MYO18A: variants seen among roughly 807,000 people sequenced by gnomAD.
MYO18A encodes the protein unconventional myosin-XVIIIa.
MYO18A carries 78 observed loss-of-function variants against 235.8 expected under a neutral mutation model. The observed-to-expected ratio is 0.33, with a 90% CI of 0.28 to 0.40. The LOEUF is 0.40. Ranked by LOEUF, MYO18A falls within the 10% of genes least tolerant of loss-of-function variation. The probability of loss-of-function intolerance (pLI) is 1.00; values close to 1 mark genes in which losing one functional copy is unlikely to be tolerated. For missense variants in MYO18A, 2,215 were observed against 2,699.3 expected (o/e 0.82, Z 3.98); for synonymous variants, 977 against 1,077.8 (o/e 0.91, Z 1.83).
intron 2 of MYO18A, among the ~76,000 whole-genome samples, chr17:29,138,831 C>T (rs2067667972): frequency 6.6e-6 from 1 of 152,204 alleles, no homozygotes; most frequent in African/African-American, 2.4e-5. Context: ...CACGCCCTGC[C>T]CTCCATTTCC....
At chr17:29,149,413 TATGGG>T (rs1335602585) in intron 2 of MYO18A, among the ~76,000 whole-genome samples, 1 of 152,082 alleles carries the variant, frequency 6.6e-6, no homozygotes. Flanking sequence ...GGTCAGTGGG[TATGGG>T]ACGGCGAGCC....
chr17:29,163,612 T>C (rs2068219699), intron 2 of MYO18A, among the ~76,000 whole-genome samples: 1 of 152,176 alleles, frequency 6.6e-6, no homozygotes, highest in Non-Finnish European at 1.5e-5. Context: ...CCTCCAAAGC[T>C]AAACCATCTA....
intron 2 of MYO18A, among the ~76,000 whole-genome samples, chr17:29,164,100 G>A (rs2068230766): frequency 6.6e-6 from 1 of 152,172 alleles, no homozygotes; most frequent in Non-Finnish European, 1.5e-5. Flanking sequence ...CTGTTGGTCA[G>A]GCTGGTCTCG....
rs773108576 is a variant in MYO18A, at chr17:29,094,695, T to C, written c.4665A>G (p.Glu1555=). Residue 1555 remains glutamate, a synonymous_variant, in exon 30 of 42, where the codon GAA becomes GAG. Coordinates refer to ENST00000527372, the MANE Select transcript of MYO18A (RefSeq NM_078471.4). ...TCCCTGCCTGCTCATCCAGCTCTTC[T>C]TCCTGATCCTTGACTTTGGCCTCCA... ...RDLEAKVKDQ[E]EELDEQAGTI... is the part of the protein sequence containing the mutation. The C allele has an allele frequency of 6.2e-7, 1 of 1,614,068 alleles. No individual in the cohort carries two copies. The highest frequency in any genetic ancestry group is 2.2e-5 in the East Asian group (1 of 44,888).
chr17:29,120,947 A>T lies in MYO18A; in HGVS notation c.1585+51T>A. 2 of 1,574,812 alleles carry T rather than the reference A, an allele frequency of 1.3e-6. No homozygotes were observed. Among genetic ancestry groups the T allele is most frequent in the Non-Finnish European group, 1.7e-6 (2 of 1,158,782 alleles). ...GCACTTAAGAGGGTGCTCTCTCCTC[A>T]CTCCCCTCCCCTCACCCCACTTTCA... On this transcript the variant is annotated intron_variant, in intron 6 of 41. Coordinates refer to ENST00000527372, the MANE Select transcript of MYO18A (RefSeq NM_078471.4). The surrounding 1 kb of genome is among the most constrained non-coding windows in gnomAD (Gnocchi z 4.2).
chr17:29,121,427 C>T lies in MYO18A; in HGVS notation c.1371+120G>A, dbSNP rs1431244531. On this transcript the variant is annotated intron_variant, in intron 5 of 41. Coordinates refer to ENST00000527372, the MANE Select transcript of MYO18A (RefSeq NM_078471.4). The surrounding 1 kb of genome is among the most constrained non-coding windows in gnomAD (Gnocchi z 4.2). ...TCCCCCATCTCTTGAAATGACTCCTCTTCCCAAGGTCAACTGTGAGAGTGG... is the reference window on the plus strand; with the variant it reads ...TCCCCCATCTCTTGAAATGACTCCTTTTCCCAAGGTCAACTGTGAGAGTGG... 16 of 1,216,484 alleles carry T rather than the reference C, an allele frequency of 1.3e-5. No homozygotes were observed. In the East Asian group the frequency reaches 4.1e-4, roughly 31 times the overall value. The allele number at this position is 1,216,484 out of a possible 1,614,324, so 75.4% of individuals were successfully genotyped here.
intron 35 of MYO18A, 81 bp from the exon 36 acceptor site, chr17:29,090,696 C>T: frequency 1.9e-6 from 3 of 1,541,572 alleles, no homozygotes; most frequent in Non-Finnish European, 2.7e-6. Context: ...CACCAGGGGA[C>T]CGAGGTTCCC....
At position 29,111,641 on chromosome 17, in the gene MYO18A, GC is replaced by G. The variant is rs773541093; in HGVS notation, c.2741-59del. ...AGGGTACAGGCACAAAGTGACCCCC[GC>G]CCCCTCCCAGGGAGTGCCACCTGGA... is the stretch of plus-strand genomic sequence containing the variant. On this transcript the variant is annotated intron_variant, in intron 16 of 41. Transcript: ENST00000527372. The surrounding 1 kb of genome is among the most constrained non-coding windows in gnomAD (Gnocchi z 5.1). 259 of 1,611,168 alleles carry G rather than the reference GC, an allele frequency of 1.6e-4. 1 individual carries two copies. In the East Asian group the frequency reaches 4.0e-3, roughly 25 times the overall value.
At chr17:29,129,934 T>C (rs1383289369) in intron 2 of MYO18A, among the ~76,000 whole-genome samples, 2 of 152,118 alleles carry the variant, frequency 1.3e-5, no homozygotes, top group Non-Finnish European at 2.9e-5. Context: ...CCAGTGGCCC[T>C]AGCCACTGGA....
intron 1 of MYO18A, among the ~76,000 whole-genome samples, chr17:29,168,184 G>A (rs1326887193): frequency 6.6e-6 from 1 of 151,124 alleles, no homozygotes; most frequent in East Asian, 1.9e-4. Context: ...GTGGGGGTGG[G>A]GTAGGGTCCA....
chr17:29,113,659 C>T (rs963227867), intron 15 of MYO18A, among the ~76,000 whole-genome samples: 10 of 152,184 alleles, frequency 6.6e-5, no homozygotes. Flanking sequence ...GGACTGGTCA[C>T]CAGGGCTCCT....
At chr17:29,107,359 G>A (rs983165970) in intron 19 of MYO18A, 170 bp from the exon 20 acceptor site, 10 of 628,054 alleles carry the variant, frequency 1.6e-5, no homozygotes, top group Non-Finnish European at 2.8e-5. Context: ...GGTAGGCAGG[G>A]AAGAGGAAGA....
rs1414821578 is a variant in MYO18A, at chr17:29,073,547, T to A, written c.*1223A>T. ...AGGAGGAAAAGGGCCTTTATTTCCA[T>A]ACATCGGGTAAACAGGGGAGAGCAC... On this transcript the variant is annotated 3_prime_UTR_variant, in exon 42 of 42. Coordinates refer to ENST00000527372, the MANE Select transcript of MYO18A (RefSeq NM_078471.4). 1 of 274,154 alleles carries A rather than the reference T, an allele frequency of 3.6e-6. No individual in the cohort carries two copies. The highest frequency in any genetic ancestry group is 6.3e-5 in the East Asian group (1 of 15,830). The allele number at this position is 274,154 out of a possible 1,614,324, so 17.0% of individuals were successfully genotyped here.
rs988540441 is a variant in MYO18A at position 29,071,649 on chromosome 17, C to T, written c.*3121G>A. 1 of 152,192 alleles carries T rather than the reference C, an allele frequency of 6.6e-6. No individual in the cohort carries two copies. The highest frequency in any genetic ancestry group is 2.4e-5 in the African/African-American group (1 of 41,444). The allele number at this position is 152,192 out of a possible 1,614,324, so 9.4% of individuals were successfully genotyped here. A position where few individuals can be genotyped will look rare whatever the true frequency, so the allele number is the denominator to read the frequency against. On this transcript the variant is annotated 3_prime_UTR_variant, in exon 42 of 42. Coordinates refer to ENST00000527372, the MANE Select transcript of MYO18A (RefSeq NM_078471.4). ...AATAGCAGCTCCTTTTAGAGGCTTT[C>T]CCAATCCTCCCCGCCAAAGAGAGCA...
At chr17:29,090,237 C>A (rs1428307168) in intron 36 of MYO18A, 139 bp from the exon 37 acceptor site, 2 of 1,028,324 alleles carry the variant, frequency 1.9e-6, no homozygotes, top group Non-Finnish European at 2.8e-6. Context: ...AGAATGGAGC[C>A]CTGGGCCAGA....
chr17:29,079,716 G>T (rs1296660797), intron 41 of MYO18A: 1 of 985,892 alleles, frequency 1.0e-6, no homozygotes, highest in Non-Finnish European at 1.2e-6. Flanking sequence ...CCCAGGCCAG[G>T]TGCCACCTAC....
At chr17:29,119,484 G>C in intron 7 of MYO18A, 49 bp from the exon 8 acceptor site, 1 of 1,419,582 alleles carries the variant, frequency 7.0e-7, no homozygotes. Context: ...GCCAGATCAA[G>C]TTTCTCCCAC....
intron 2 of MYO18A, among the ~76,000 whole-genome samples, chr17:29,138,160 C>A (rs182667617): frequency 6.6e-6 from 1 of 152,196 alleles, no homozygotes; most frequent in Non-Finnish European, 1.5e-5. Context: ...AATAATGCCA[C>A]GCCTCAGGCA....
In MYO18A at chr17:29,125,303, C is replaced by T. The variant is rs1007227113; in HGVS notation, c.1000-3050G>A. Reference sequence around the variant, plus strand: ...TCTAGAATCTCTTCCTCAACCCCGACGTACCCTATAGCACTCCCACCTCTG... The same window carrying T: ...TCTAGAATCTCTTCCTCAACCCCGATGTACCCTATAGCACTCCCACCTCTG... On this transcript the variant is annotated intron_variant, in intron 2 of 41. Coordinates refer to ENST00000527372, the MANE Select transcript of MYO18A (RefSeq NM_078471.4). This position sits in a 1 kb window ranked among gnomAD's most constrained non-coding sequence, Gnocchi z 5.1. 3.3e-5 allele frequency among the ~76,000 whole-genome samples: 5 copies of T among 152,198 alleles called. No individual in the cohort carries two copies. Among genetic ancestry groups the T allele is most frequent in the East Asian group, 1.9e-4 (1 of 5,196 alleles).
Sources: gnomAD v4.1 joint callset for allele counts (sites outside exome capture counted in the v4.1 genomes callset) on GRCh38, gnomAD v4.1.1 for gene constraint, Gnocchi (gnomAD v3.1) non-coding constraint, MANE v1.5 for transcripts, NCBI Gene and HGNC (gene_info 2026-07-23, HGNC 2026-07-21) for gene names.